The following EXOC4 variants were observed in gnomAD, a reference collection of about 807,000 sequenced individuals.
EXOC4 encodes the protein SEC8-like 1.
A neutral mutation model predicts 107.2 loss-of-function variants in EXOC4; 71 were observed. That is an observed-to-expected ratio of 0.66 (90% CI 0.55 to 0.81). The LOEUF (loss-of-function observed/expected upper bound fraction) is 0.81, where lower values mean the gene tolerates loss of function less well. Ranked by LOEUF, EXOC4 falls within the 30% of genes least tolerant of loss-of-function variation. The pLI, the probability that EXOC4 is intolerant of heterozygous loss-of-function variation, is 0.00. For synonymous variants in EXOC4, 456 were observed against 441.2 expected (o/e 1.03, Z -0.42); for missense variants, 1,108 against 1,189.6 (o/e 0.93, Z 1.01).
chr7:133,855,290 A>G (rs1000159169), intron 11 of EXOC4, among the ~76,000 whole-genome samples: 3 of 150,740 alleles, frequency 2.0e-5, no homozygotes, highest in African/African-American at 2.5e-5. Flanking sequence ...TCCTGGAATA[A>G]TCTACTAATC....
chr7:133,443,514 C>T (rs1798150958), intron 7 of EXOC4, among the ~76,000 whole-genome samples: 1 of 152,102 alleles, frequency 6.6e-6, no homozygotes, highest in Non-Finnish European at 1.5e-5. Context: ...AACTCAAATA[C>T]CAAAAACTCC....
rs954005432 is a variant in EXOC4, at chr7:133,816,793, A to T, written c.1515-532A>T. Among the ~76,000 whole-genome samples, 43 of 152,144 alleles carry T rather than the reference A, an allele frequency of 2.8e-4. 1 individual carries two copies. The highest frequency in any genetic ancestry group is 8.9e-4 in the African/African-American group (37 of 41,444). The stretch of plus-strand genomic sequence containing the variant: ...AGCTCACGGTAGGGTTCATGCTTCT[A>T]TGACAATCTAATGTGATTGCTGATC... On this transcript the variant is annotated intron_variant, in intron 10 of 17. Coordinates refer to ENST00000253861, the MANE Select transcript of EXOC4 (RefSeq NM_021807.4).
chr7:133,973,028 A>G (rs1371934694), intron 14 of EXOC4, among the ~76,000 whole-genome samples: 2 of 152,224 alleles, frequency 1.3e-5, no homozygotes, highest in Admixed American at 6.5e-5. Context: ...GTGGTGCACT[A>G]TCTTATGAGG....
At chr7:133,465,540 C>G (rs898282452) in intron 7 of EXOC4, among the ~76,000 whole-genome samples, 12 of 151,924 alleles carry the variant, frequency 7.9e-5, no homozygotes. Context: ...TATTAACCAC[C>G]CTGATTTAAA....
chr7:133,536,393 G>A (rs1446553778), intron 9 of EXOC4, among the ~76,000 whole-genome samples: 1 of 151,794 alleles, frequency 6.6e-6, no homozygotes, highest in Non-Finnish European at 1.5e-5. Flanking sequence ...TTGAGATCAC[G>A]TACATCCACT....
chr7:133,253,313 C>G, intron 1 of EXOC4, 126 bp downstream of exon 1: 6 of 1,440,050 alleles, frequency 4.2e-6, no homozygotes, highest in Non-Finnish European at 5.5e-6. Flanking sequence ...CGCAGCCCCT[C>G]CCCAGGGCTC....
intron 9 of EXOC4, among the ~76,000 whole-genome samples, chr7:133,599,762 C>T (rs1445749904): frequency 6.6e-6 from 1 of 152,058 alleles, no homozygotes; most frequent in Non-Finnish European, 1.5e-5. Context: ...TTTGGTATCT[C>T]TGGTGGGTAA....
At chr7:133,647,237 T>G (rs1157956894) in intron 10 of EXOC4, among the ~76,000 whole-genome samples, 1 of 152,160 alleles carries the variant, frequency 6.6e-6, no homozygotes, top group Non-Finnish European at 1.5e-5. Context: ...TATTCTGAAG[T>G]CTGGGCATGT....
At chr7:133,585,209 A>G (rs915206644) in intron 9 of EXOC4, among the ~76,000 whole-genome samples, 1 of 152,168 alleles carries the variant, frequency 6.6e-6, no homozygotes, top group African/African-American at 2.4e-5. Flanking sequence ...GCAGTGTGGT[A>G]TTTTATAAAG....
chr7:133,841,945 A>G (rs1334109859), intron 11 of EXOC4, among the ~76,000 whole-genome samples: 2 of 152,232 alleles, frequency 1.3e-5, no homozygotes, highest in African/African-American at 4.8e-5. Context: ...GAGGTTGCTT[A>G]GGATGATGGC....
chr7:133,862,419 G>T (rs554578663), intron 11 of EXOC4, among the ~76,000 whole-genome samples: 120 of 152,120 alleles, frequency 7.9e-4, no homozygotes, highest in African/African-American at 2.8e-3. Context: ...GGAGGCAGAG[G>T]TTGCAGTGAG....
intron 9 of EXOC4, among the ~76,000 whole-genome samples, chr7:133,560,845 A>G (rs4728290): frequency 1 from 151,729 of 152,298 alleles, 75,586 homozygotes; most frequent in Middle Eastern, 1. Flanking sequence ...TTCCACAGAG[A>G]TTAAATGTTT....
chr7:133,519,419 T>C (rs964848601), intron 9 of EXOC4, among the ~76,000 whole-genome samples: 3 of 151,772 alleles, frequency 2.0e-5, no homozygotes, highest in African/African-American at 7.3e-5. Flanking sequence ...TGAGACCCTA[T>C]CTTAAAAAAA....
chr7:133,432,343 G>A (rs10156157), intron 7 of EXOC4, among the ~76,000 whole-genome samples: 151,373 of 152,118 alleles, frequency 1, 75,323 homozygotes, highest in East Asian at 1. Context: ...AAATGTGGAT[G>A]ATAATAATAA....
chr7:133,504,666 G>T (rs558058830), intron 9 of EXOC4, among the ~76,000 whole-genome samples: 2 of 151,932 alleles, frequency 1.3e-5, no homozygotes, highest in Non-Finnish European at 2.9e-5. Flanking sequence ...TTTTTAGTAT[G>T]ATATAATTAA....
chr7:134,019,691 A>G (rs1794986957), intron 17 of EXOC4, among the ~76,000 whole-genome samples: 1 of 152,248 alleles, frequency 6.6e-6, no homozygotes, highest in Non-Finnish European at 1.5e-5. Context: ...AAGTCTATGT[A>G]TGCTCTTAAC....
intron 10 of EXOC4, among the ~76,000 whole-genome samples, chr7:133,765,568 A>T (rs934517881): frequency 1.3e-5 from 2 of 152,030 alleles, no homozygotes; most frequent in Non-Finnish European, 2.9e-5. Flanking sequence ...TAGGATAAAA[A>T]TAAAAAGGGA....
intron 17 of EXOC4, among the ~76,000 whole-genome samples, chr7:134,028,140 G>A (rs909984447): frequency 1.3e-5 from 2 of 152,182 alleles, no homozygotes; most frequent in Non-Finnish European, 2.9e-5. Flanking sequence ...AATCCTAAGA[G>A]TATCATGTTA....
At chr7:133,279,282 G>A (rs150954004) in intron 2 of EXOC4, among the ~76,000 whole-genome samples, 7 of 152,118 alleles carry the variant, frequency 4.6e-5, no homozygotes, top group Non-Finnish European at 8.8e-5. Context: ...ATAAACATAC[G>A]TGTGCATGTG....
Sources: gnomAD v4.1 joint callset for allele counts (sites outside exome capture counted in the v4.1 genomes callset) on GRCh38, gnomAD v4.1.1 for gene constraint, MANE v1.5 for transcripts, NCBI Gene and HGNC (gene_info 2026-07-23, HGNC 2026-07-21) for gene names.